MSRB3: variants seen among roughly 807,000 people sequenced by gnomAD.
The protein encoded by MSRB3 is methionine sulfoxide reductase B3.
Under a neutral mutation model 21.0 loss-of-function variants are expected in MSRB3, and 13 were observed. The ratio of observed to expected loss-of-function variants is 0.62; its 90% CI spans 0.40 to 0.98. The LOEUF (loss-of-function observed/expected upper bound fraction) is 0.98, where lower values mean the gene tolerates loss of function less well. MSRB3 is among the 50% of genes least tolerant of loss of function. The pLI is 0.00. For synonymous variants in MSRB3, 87 were observed against 88.6 expected, an observed-to-expected ratio of 0.98 and a Z score of 0.10; for missense variants, 199 against 230.3, an observed-to-expected ratio of 0.86 and a Z score of 0.88.
At chr12:65,347,915 T>C (rs1278085635) in intron 4 of MSRB3, among the ~76,000 whole-genome samples, 1 of 152,222 alleles carries the variant, frequency 6.6e-6, no homozygotes, top group Non-Finnish European at 1.5e-5. Flanking sequence ...TGAACCAGCC[T>C]TGTATCTCAG....
intron 5 of MSRB3, among the ~76,000 whole-genome samples, chr12:65,390,772 T>C (rs1220432509): frequency 6.6e-6 from 1 of 152,120 alleles, no homozygotes; most frequent in East Asian, 1.9e-4. Flanking sequence ...ATGGAAAAAA[T>C]CCAAATCCCT....
At chr12:65,445,441 G>A (rs1258343387) in intron 5 of MSRB3, among the ~76,000 whole-genome samples, 2 of 149,398 alleles carry the variant, frequency 1.3e-5, no homozygotes. Flanking sequence ...CCTGGCAGCA[G>A]TGCCACCACC....
intron 1 of MSRB3, among the ~76,000 whole-genome samples, chr12:65,299,910 A>C (rs998938540): frequency 6.6e-6 from 1 of 152,230 alleles, no homozygotes; most frequent in Non-Finnish European, 1.5e-5. Flanking sequence ...TGTTATGACT[A>C]TGTGCACATC....
At chr12:65,359,741 G>A (rs1198624418) in intron 4 of MSRB3, among the ~76,000 whole-genome samples, 8 of 152,144 alleles carry the variant, frequency 5.3e-5, no homozygotes, top group Non-Finnish European at 1.2e-4. Context: ...AAATAGTGAT[G>A]AGGAGTAGGG....
intron 1 of MSRB3, among the ~76,000 whole-genome samples, chr12:65,289,536 C>G (rs1277002817): frequency 6.6e-6 from 1 of 152,106 alleles, no homozygotes; most frequent in Non-Finnish European, 1.5e-5. Flanking sequence ...TGTGTATCCT[C>G]TGTGACCTGC....
rs115224287 is a variant in MSRB3, at chr12:65,336,469, G to A, written c.263+7866G>A. Among the ~76,000 whole-genome samples the A allele has an allele frequency of 5.5e-3, 836 of 152,322 alleles. 4 individuals are homozygous for A. Among genetic ancestry groups the A allele is most frequent in the African/African-American group, 0.019 (789 of 41,574 alleles). On this transcript the variant is annotated intron_variant, in intron 4 of 6. Coordinates refer to ENST00000308259, the MANE Select transcript of MSRB3 (RefSeq NM_001031679.3). ...GTGTATGTGTATTATTTGGGGAAAG[G>A]AAAGTGAGGAAAGAACAATCTTGCC...
intron 5 of MSRB3, among the ~76,000 whole-genome samples, chr12:65,433,134 G>T (rs1235595644): frequency 6.6e-6 from 1 of 151,928 alleles, no homozygotes; most frequent in Non-Finnish European, 1.5e-5. Context: ...ATATCCAAAA[G>T]AATTGAAAGC....
intron 5 of MSRB3, among the ~76,000 whole-genome samples, chr12:65,433,633 A>G (rs1287486552): frequency 6.6e-6 from 1 of 151,838 alleles, no homozygotes; most frequent in East Asian, 1.9e-4. Flanking sequence ...TCTTTCTCCA[A>G]GGTTGTTGTA....
At chr12:65,338,063 C>A (rs1181809016) in intron 4 of MSRB3, among the ~76,000 whole-genome samples, 1 of 152,100 alleles carries the variant, frequency 6.6e-6, no homozygotes, top group Non-Finnish European at 1.5e-5. Context: ...CAGTTTAATC[C>A]TGATAAGAAT....
At chr12:65,284,916 C>T (rs1040248197) in intron 1 of MSRB3, 1 of 152,180 alleles carries the variant, frequency 6.6e-6, no homozygotes, top group African/African-American at 2.4e-5. Flanking sequence ...GCTTAACCCT[C>T]CCTCAGTGGC....
chr12:65,364,145 G>A (rs1421160357), intron 4 of MSRB3, among the ~76,000 whole-genome samples: 1 of 152,050 alleles, frequency 6.6e-6, no homozygotes, highest in Non-Finnish European at 1.5e-5. Context: ...TCCAGCCAGT[G>A]GCAAGAAACA....
chr12:65,362,742 T>C (rs956502128), intron 4 of MSRB3, among the ~76,000 whole-genome samples: 2 of 151,992 alleles, frequency 1.3e-5, no homozygotes, highest in East Asian at 1.9e-4. Flanking sequence ...AGAAGTTAGG[T>C]AGGCAAAGGG....
rs140013092 is a variant in MSRB3 at position 65,348,742 on chromosome 12, C to T, written c.263+20139C>T. Among the ~76,000 whole-genome samples the T allele has an allele frequency of 8.2e-4, 125 of 152,252 alleles. 2 individuals carry two copies. The East Asian group carries it at 0.022, about 27-fold the overall frequency. On this transcript the variant is annotated intron_variant, in intron 4 of 6. Coordinates refer to ENST00000308259, the MANE Select transcript of MSRB3 (RefSeq NM_001031679.3). ...GGCATTTAGTGCTATAAATTTCCCC[C>T]TACACACGGCTTTCGATGTGTCCCA... is the stretch of plus-strand genomic sequence containing the variant.
intron 6 of MSRB3, among the ~76,000 whole-genome samples, chr12:65,459,023 C>T (rs886140791): frequency 2.0e-5 from 3 of 152,212 alleles, no homozygotes; most frequent in African/African-American, 7.2e-5. Context: ...TAAGTTCCTT[C>T]TAGAATACTT....
intron 4 of MSRB3, among the ~76,000 whole-genome samples, chr12:65,363,657 G>C (rs1294287168): frequency 6.6e-6 from 1 of 151,964 alleles, no homozygotes; most frequent in Admixed American, 6.6e-5. Context: ...CAACTGTTCT[G>C]ACAAGACTCC....
At chr12:65,416,710 C>T (rs116365601) in intron 5 of MSRB3, among the ~76,000 whole-genome samples, 1 of 152,156 alleles carries the variant, frequency 6.6e-6, no homozygotes, top group African/African-American at 2.4e-5. Flanking sequence ...AGGTGTAGGA[C>T]TTTTTCAGAT....
chr12:65,416,243 C>A (rs1020285401), intron 5 of MSRB3, among the ~76,000 whole-genome samples: 1 of 152,198 alleles, frequency 6.6e-6, no homozygotes, highest in African/African-American at 2.4e-5. Flanking sequence ...TTGCTAGCTC[C>A]ATATCATTCT....
At chr12:65,354,545 G>T (rs910908633) in intron 4 of MSRB3, among the ~76,000 whole-genome samples, 6 of 151,860 alleles carry the variant, frequency 4.0e-5, no homozygotes, top group Non-Finnish European at 8.8e-5. Flanking sequence ...CATTCGTCAC[G>T]TAGTTCTCTT....
At chr12:65,349,069 C>A (rs537681561) in intron 4 of MSRB3, among the ~76,000 whole-genome samples, 140 of 152,158 alleles carry the variant, frequency 9.2e-4, no homozygotes, top group African/African-American at 3.3e-3. Flanking sequence ...TCTCCCCACC[C>A]CACCACAGTC....
Sources: allele counts gnomAD v4.1 joint callset (sites outside exome capture counted in the v4.1 genomes callset), GRCh38; gene constraint gnomAD v4.1.1; transcripts MANE v1.5; gene names NCBI Gene and HGNC (gene_info 2026-07-23, HGNC 2026-07-21).